Variants in PCDHGA6 observed in about 807,000 individuals in gnomAD.
PCDHGA6 encodes the protein protocadherin gamma subfamily A, 6.
In PCDHGA6, 41 loss-of-function variants were observed where a neutral mutation model predicts 60.6. That is an observed-to-expected ratio of 0.68 (90% confidence interval 0.53 to 0.88). The LOEUF (loss-of-function observed/expected upper bound fraction) is 0.88. Among genes scored for constraint, PCDHGA6 ranks in the 40% least tolerant of loss-of-function variants. The pLI is 0.00. For missense variants in PCDHGA6, 1,312 were observed against 1,203.0 expected, an observed-to-expected ratio of 1.09 and a Z score of -1.34; for synonymous variants, 594 against 524.4, an observed-to-expected ratio of 1.13 and a Z score of -1.81.
rs765047622 is a variant in PCDHGA6 at position 141,486,776 on chromosome 5, G to A, written c.2425-8031G>A. On this transcript the variant is annotated intron_variant, in intron 1 of 3. Coordinates refer to ENST00000517434, the MANE Select transcript of PCDHGA6 (RefSeq NM_018919.3). This position sits in a 1 kb window ranked among gnomAD's most constrained non-coding sequence, Gnocchi z 5.0. ...GCAAACCCAGACACTGCAGTTTGAGGTGCAGGCCCGGGATCGGGGCAACCC... is the reference window on the plus strand; with the variant it reads ...GCAAACCCAGACACTGCAGTTTGAGATGCAGGCCCGGGATCGGGGCAACCC... 1.2e-6 allele frequency: 2 copies of A among 1,614,254 alleles called. No individual in the cohort carries two copies. Among genetic ancestry groups the A allele is most frequent in the Non-Finnish European group, 1.7e-6 (2 of 1,180,050 alleles).
In PCDHGA6 at chr5:141,414,653, A is replaced by G. The variant is rs2095771118; in HGVS notation, c.2424+38146A>G. ...AGCAAAGAGAATGCCCAGATTATTT[A>G]CTCCCTGGCTGAAGACACCATCCAG... On this transcript the variant is annotated intron_variant, in intron 1 of 3. Coordinates refer to ENST00000517434, the MANE Select transcript of PCDHGA6 (RefSeq NM_018919.3). 6.2e-7 allele frequency: 1 copy of G among 1,613,644 alleles called. No homozygotes were observed.
At chr5:141,464,415 C>A (rs1185416197) in intron 1 of PCDHGA6, among the ~76,000 whole-genome samples, 2 of 150,854 alleles carry the variant, frequency 1.3e-5, no homozygotes, top group Admixed American at 6.6e-5. Context: ...ATATATATAT[C>A]TATATATATA....
Position 141,374,674 on chromosome 5 carries a change from G to A in PCDHGA6, c.591G>A (p.Glu197=). ...HGPKYPELVL[E]GTLDREGEAV... ...CCAAGTACCCGGAGCTGGTGCTGGAGGGCACACTGGACCGGGAAGGAGAAG... is the reference window on the plus strand; with the variant it reads ...CCAAGTACCCGGAGCTGGTGCTGGAAGGCACACTGGACCGGGAAGGAGAAG... The change falls in exon 1 of 4, where the codon GAG becomes GAA. Residue 197 remains glutamate (E), a synonymous_variant. Coordinates refer to ENST00000517434, the MANE Select transcript of PCDHGA6 (RefSeq NM_018919.3). The A allele has an allele frequency of 6.2e-7, 1 of 1,610,698 alleles. No homozygotes were observed. Among genetic ancestry groups the A allele is most frequent in the Non-Finnish European group, 8.5e-7 (1 of 1,178,316 alleles).
rs138616951 is a variant in PCDHGA6, at chr5:141,490,312, C to T, written c.2425-4495C>T. On this transcript the variant is annotated intron_variant, in intron 1 of 3. Transcript: ENST00000517434. The surrounding 1 kb of genome is among the most constrained non-coding windows in gnomAD (Gnocchi z 5.4). ...GGTGCTATTGGCCTCTTTGGCCAAC[C>T]CTGTCCTAGAGAGCACACCAGTGGG... 67 of 1,614,050 alleles carry T rather than the reference C, an allele frequency of 4.2e-5. No individual in the cohort carries two copies. The highest frequency in any genetic ancestry group is 5.3e-5 in the Non-Finnish European group (63 of 1,180,008).
At position 141,384,871 on chromosome 5, in the gene PCDHGA6, G is replaced by A. The variant is rs769607351; in HGVS notation, c.2424+8364G>A. On this transcript the variant is annotated intron_variant, in intron 1 of 3. Coordinates refer to ENST00000517434, the MANE Select transcript of PCDHGA6 (RefSeq NM_018919.3). ...CGGTCAGCCTCCTCTGTCAGCCACC[G>A]TCACACTCACCGTGGCTGTGGCTGA... is the stretch of plus-strand genomic sequence containing the variant. 9 of 1,613,648 alleles carry A rather than the reference G, an allele frequency of 5.6e-6. No individual in the cohort carries two copies. Among genetic ancestry groups the A allele is most frequent in the South Asian group, 1.1e-5 (1 of 91,092 alleles).
At chr5:141,481,191 C>A (rs1244434918) in intron 1 of PCDHGA6, among the ~76,000 whole-genome samples, 1 of 152,148 alleles carries the variant, frequency 6.6e-6, no homozygotes, top group Non-Finnish European at 1.5e-5. Context: ...GGGCCAGGCC[C>A]AATTTTTTTA....
At position 141,376,195 on chromosome 5, in the gene PCDHGA6, C is replaced by G; in HGVS notation, c.2112C>G (p.Phe704Leu). 1 of 1,614,172 alleles carries G rather than the reference C, an allele frequency of 6.2e-7. No individual in the cohort carries two copies. Among genetic ancestry groups the G allele is most frequent in the South Asian group, 1.1e-5 (1 of 91,078 alleles). ...VVAVAAVSCV[F>L]LAFVIVLLAL... ...CGGTGGCCGCGGTCTCCTGCGTCTT[C>G]CTGGCCTTCGTCATCGTGCTGCTGG... Residue 704 changes from phenylalanine (F) to leucine (L), a missense_variant, in exon 1 of 4, where the codon TTC (phenylalanine) becomes TTG (leucine). Physicochemically the swap from Phe to Leu is conservative, Grantham distance 22 (BLOSUM62 0). Transcript: ENST00000517434.
In PCDHGA6 at chr5:141,487,869, G is replaced by T; in HGVS notation, c.2425-6938G>T. On this transcript the variant is annotated intron_variant, in intron 1 of 3. Transcript: ENST00000517434. This position sits in a 1 kb window ranked among gnomAD's most constrained non-coding sequence, Gnocchi z 5.0. ...AAATGAAAGTAATTGGTGATCAAGA[G>T]CCAGGCTGTTGTGGAAGCATGATGA... 1.1e-6 allele frequency: 1 copy of T among 871,620 alleles called. No individual in the cohort carries two copies. The highest frequency in any genetic ancestry group is 1.7e-6 in the Non-Finnish European group (1 of 574,346). The allele number at this position is 871,620 out of a possible 1,614,324, so 54.0% of individuals were successfully genotyped here. A position where few individuals can be genotyped will look rare whatever the true frequency, so the allele number is the denominator to read the frequency against.
intron 1 of PCDHGA6, among the ~76,000 whole-genome samples, chr5:141,425,133 A>T (rs1311425564): frequency 6.6e-6 from 1 of 152,200 alleles, no homozygotes; most frequent in Non-Finnish European, 1.5e-5. Flanking sequence ...GTCAAGAAAA[A>T]TGTTCAGGTA....
intron 1 of PCDHGA6, among the ~76,000 whole-genome samples, chr5:141,452,165 C>G (rs917431071): frequency 2.6e-5 from 4 of 152,120 alleles, no homozygotes; most frequent in African/African-American, 9.7e-5. Flanking sequence ...TATTCTATTA[C>G]TAACATTTTT....
intron 1 of PCDHGA6, chr5:141,426,906 C>T (rs2096969568): frequency 4.4e-6 from 2 of 456,654 alleles, no homozygotes; most frequent in Admixed American, 2.3e-5. Context: ...CTCTCATCTC[C>T]TGGTCCTGGA....
chr5:141,467,672 AT>A (rs1199631144), intron 1 of PCDHGA6, among the ~76,000 whole-genome samples: 1 of 151,634 alleles, frequency 6.6e-6, no homozygotes, highest in Non-Finnish European at 1.5e-5. Context: ...GAAGATTTTT[AT>A]TTTTTTTAGA....
At chr5:141,380,483 A>G (rs1460206090) in intron 1 of PCDHGA6, among the ~76,000 whole-genome samples, 1 of 152,208 alleles carries the variant, frequency 6.6e-6, no homozygotes, top group Non-Finnish European at 1.5e-5. Flanking sequence ...TCTTCCCAAT[A>G]TCTCAGTCAA....
rs1394490963 is a variant in PCDHGA6 at position 141,393,307 on chromosome 5, A to G, written c.2424+16800A>G. On this transcript the variant is annotated intron_variant, in intron 1 of 3. Coordinates refer to ENST00000517434, the MANE Select transcript of PCDHGA6 (RefSeq NM_018919.3). ...GCTGTTGACCCGGATGTGGGCGTGAACTCCCTCCAGAGCTACCAGCTCAGC... is the reference window on the plus strand; with the variant it reads ...GCTGTTGACCCGGATGTGGGCGTGAGCTCCCTCCAGAGCTACCAGCTCAGC... 4 of 1,613,476 alleles carry G rather than the reference A, an allele frequency of 2.5e-6. No homozygotes were observed. The highest frequency in any genetic ancestry group is 3.3e-5 in the Admixed American group (2 of 59,966).
At chr5:141,455,690 C>T (rs1209152869) in intron 1 of PCDHGA6, among the ~76,000 whole-genome samples, 1 of 152,064 alleles carries the variant, frequency 6.6e-6, no homozygotes, top group Non-Finnish European at 1.5e-5. Context: ...CTGTGGGAAT[C>T]GCCAAGTTGA....
chr5:141,386,090 T>C (rs184634259), intron 1 of PCDHGA6: 1 of 152,362 alleles, frequency 6.6e-6, no homozygotes, highest in Non-Finnish European at 1.5e-5. Context: ...TACAGCCAGA[T>C]GAAGTGTGTC....
At position 141,390,084 on chromosome 5, in the gene PCDHGA6, G is replaced by A. The variant is rs755692863; in HGVS notation, c.2424+13577G>A. Reference sequence around the variant, plus strand: ...CCAGCCTGGTCTCTGTGTTAAATCCGAATCCGTGGTTCCCCCCAACTACAG... The same window carrying A: ...CCAGCCTGGTCTCTGTGTTAAATCCAAATCCGTGGTTCCCCCCAACTACAG... On this transcript the variant is annotated intron_variant, in intron 1 of 3. Transcript: ENST00000517434. 8 of 1,613,954 alleles carry A rather than the reference G, an allele frequency of 5.0e-6. No homozygotes were observed. In the African/African-American group the frequency reaches 9.3e-5, roughly 19 times the overall value.
intron 3 of PCDHGA6, among the ~76,000 whole-genome samples, chr5:141,506,298 A>C (rs887906455): frequency 6.6e-6 from 1 of 151,936 alleles, no homozygotes; most frequent in Non-Finnish European, 1.5e-5. Context: ...AAAATACAAA[A>C]ATTAGCTGGG....
intron 1 of PCDHGA6, among the ~76,000 whole-genome samples, chr5:141,450,025 G>C (rs963999877): frequency 2.7e-5 from 1 of 36,752 alleles, no homozygotes; most frequent in Non-Finnish European, 5.4e-5. Context: ...TTTTTTTTTT[G>C]AGACAGGGTC....
Sources: gnomAD v4.1 joint callset for allele counts (sites outside exome capture counted in the v4.1 genomes callset) on GRCh38, gnomAD v4.1.1 for gene constraint, Gnocchi (gnomAD v3.1) non-coding constraint, MANE v1.5 for transcripts, NCBI Gene and HGNC (gene_info 2026-07-23, HGNC 2026-07-21) for gene names.